ASB2: variants seen among roughly 807,000 people sequenced by gnomAD.
The protein encoded by ASB2 is ankyrin repeat and SOCS box containing 2, also known as ankyrin repeat and SOCS box protein 2.
Under a neutral mutation model 62.4 loss-of-function variants are expected in ASB2, and 58 were observed. The observed-to-expected ratio is 0.93, with a 90% CI of 0.75 to 1.16. The LOEUF (loss-of-function observed/expected upper bound fraction) is 1.16. Among genes scored for constraint, ASB2 ranks in the 50% most tolerant of loss-of-function variants. The pLI is 0.00. For missense variants in ASB2, 928 were observed against 887.9 expected (o/e 1.05, Z -0.57); for synonymous variants, 386 against 385.3 (o/e 1.00, Z -0.02).
rs1595295036 is a variant in ASB2 at position 93,934,310 on chromosome 14, T to C, written c.*346A>G. 1 of 465,256 alleles carries C rather than the reference T, an allele frequency of 2.1e-6. No homozygotes were observed. Among genetic ancestry groups the C allele is most frequent in the East Asian group, 6.3e-5 (1 of 15,954 alleles). The allele number at this position is 465,256 out of a possible 1,614,324, so 28.8% of individuals were successfully genotyped here. A position where few individuals can be genotyped will look rare whatever the true frequency, so the allele number is the denominator to read the frequency against. ...CAAGTGGTGAGTTTTCCAGAACAAG[T>C]GGAGGGGCACAGGGAAGGCTCTGAG... is the stretch of plus-strand genomic sequence containing the variant. On this transcript the variant is annotated 3_prime_UTR_variant, in exon 10 of 10. Coordinates refer to ENST00000555019, the MANE Select transcript of ASB2 (RefSeq NM_001202429.2).
chr14:93,962,676 A>G (rs1030466243), intron 2 of ASB2, among the ~76,000 whole-genome samples: 2 of 152,074 alleles, frequency 1.3e-5, no homozygotes, highest in Non-Finnish European at 2.9e-5. Flanking sequence ...CCGAGGGCCC[A>G]CTTCTTTCTA....
intron 5 of ASB2, among the ~76,000 whole-genome samples, chr14:93,952,402 G>A (rs2141293441): frequency 6.6e-6 from 1 of 152,368 alleles, no homozygotes; most frequent in East Asian, 1.9e-4. Flanking sequence ...TCCATGGTGG[G>A]TCTGCAGCGG....
At chr14:93,973,762 A>G (rs986143563) in intron 1 of ASB2, among the ~76,000 whole-genome samples, 1 of 152,094 alleles carries the variant, frequency 6.6e-6, no homozygotes, top group African/African-American at 2.4e-5. Flanking sequence ...CAGGCCCCTG[A>G]CCCATATTCT....
rs182099691 is a variant in ASB2, at chr14:93,935,707, G to A, written c.1772-915C>T. 3.3e-5 allele frequency among the ~76,000 whole-genome samples: 5 copies of A among 152,318 alleles called. No individual in the cohort carries two copies. The South Asian group carries it at 6.2e-4, about 19-fold the overall frequency. ...GGCAGGTGGGATGTGGAGCAAGGGC[G>A]GAGGGCCAGGCGGCTGCAGCGTTGC... On this transcript the variant is annotated intron_variant, in intron 9 of 9. Coordinates refer to ENST00000555019, the MANE Select transcript of ASB2 (RefSeq NM_001202429.2).
rs962618208 is a variant in ASB2, at chr14:93,964,286, G to T, written c.206+48C>A. 3.4e-6 allele frequency: 5 copies of T among 1,480,730 alleles called. No homozygotes were observed. The African/African-American group carries it at 6.9e-5, about 21-fold the overall frequency. The allele number at this position is 1,480,730 out of a possible 1,614,324, so 91.7% of individuals were successfully genotyped here. On this transcript the variant is annotated intron_variant, in intron 2 of 9. Coordinates refer to ENST00000555019, the MANE Select transcript of ASB2 (RefSeq NM_001202429.2). ...ACAGCATTAGGGATCTACAGTCTGT[G>T]GATGTCCTGGATGGCCCCACTTCCC...
intron 2 of ASB2, among the ~76,000 whole-genome samples, chr14:93,957,698 A>G (rs1035122605): frequency 6.6e-6 from 1 of 152,038 alleles, no homozygotes; most frequent in Admixed American, 6.5e-5. Flanking sequence ...TTTTATCATC[A>G]TTTTGCCTCT....
rs74968585 is a variant in ASB2 at position 93,943,094 on chromosome 14, G to C, written c.1053-3422C>G. On this transcript the variant is annotated intron_variant, in intron 7 of 9. Coordinates refer to ENST00000555019, the MANE Select transcript of ASB2 (RefSeq NM_001202429.2). ...TTTACTCATTTACTCATAACAATCCGGCAAGGTAGGACTGCTTACAACCCC... is the reference window on the plus strand; with the variant it reads ...TTTACTCATTTACTCATAACAATCCCGCAAGGTAGGACTGCTTACAACCCC... Among the ~76,000 whole-genome samples the C allele has an allele frequency of 3.9e-5, 6 of 152,256 alleles. No individual in the cohort carries two copies. The East Asian group carries it at 1.2e-3, about 29-fold the overall frequency.
intron 1 of ASB2, among the ~76,000 whole-genome samples, chr14:93,972,887 C>T (rs1889800583): frequency 6.6e-6 from 1 of 152,228 alleles, no homozygotes; most frequent in African/African-American, 2.4e-5. Context: ...TGCTCAGACC[C>T]ACACCATCAG....
At chr14:93,961,086 A>G (rs1889394790) in intron 2 of ASB2, among the ~76,000 whole-genome samples, 1 of 152,202 alleles carries the variant, frequency 6.6e-6, no homozygotes, top group Non-Finnish European at 1.5e-5. Context: ...TTGTCTGTGA[A>G]GCAGAGGCCA....
intron 7 of ASB2, chr14:93,944,279 T>G (rs900346657): frequency 4.4e-5 from 9 of 202,732 alleles, no homozygotes; most frequent in African/African-American, 9.3e-5. Flanking sequence ...GTGTTGATCT[T>G]TGATTTCATA....
chr14:93,961,898 A>T (rs1289747282), intron 2 of ASB2, among the ~76,000 whole-genome samples: 1 of 152,194 alleles, frequency 6.6e-6, no homozygotes, highest in Non-Finnish European at 1.5e-5. Flanking sequence ...CAGCATCAGC[A>T]GAGCCTGGTG....
chr14:93,967,559 G>A (rs894487474), intron 1 of ASB2, among the ~76,000 whole-genome samples: 7 of 152,316 alleles, frequency 4.6e-5, no homozygotes, highest in African/African-American at 1.7e-4. Context: ...CCCTGCTAAG[G>A]CCAAAGTGCT....
At chr14:93,961,487 A>G (rs1484292945) in intron 2 of ASB2, among the ~76,000 whole-genome samples, 4 of 152,226 alleles carry the variant, frequency 2.6e-5, no homozygotes, top group African/African-American at 7.2e-5. Context: ...AGAAATAAAT[A>G]AGAATTGTAA....
At chr14:93,946,920 G>A (rs944009659) in intron 7 of ASB2, among the ~76,000 whole-genome samples, 3 of 152,182 alleles carry the variant, frequency 2.0e-5, no homozygotes, top group Non-Finnish European at 4.4e-5. Flanking sequence ...TGCCCCCCAG[G>A]ATAGAATTCC....
rs781325725 is a variant in ASB2, at chr14:93,956,452, G to A, written c.311+314C>T. ...TAAGGCCATCTCCCCAATTTCCCTC[G>A]TGCTGGGTCCCCAGTTTCAGAGCCC... On this transcript the variant is annotated intron_variant, in intron 3 of 9. Transcript: ENST00000555019. 1.8e-4 allele frequency among the ~76,000 whole-genome samples: 28 copies of A among 152,120 alleles called. 1 individual carries two copies. The highest frequency in any genetic ancestry group is 4.1e-4 in the South Asian group (2 of 4,826).
At position 93,939,433 on chromosome 14, in the gene ASB2, A is replaced by C. The variant is rs575721659; in HGVS notation, c.1292T>G (p.Leu431Arg). Residue 431 changes from leucine to arginine, a missense_variant, in exon 8 of 10, where the codon CTG (leucine) becomes CGG (arginine). Transcript: ENST00000555019. ...NNNVYATELL[L>R]QHGADPNRDV... is the part of the protein sequence containing the mutation. ...GCGGTTGGGGTCGGCGCCGTGTTGCAGCAGCAGCTCGGTGGCGTACACGTT... is the reference window on the plus strand; with the variant it reads ...GCGGTTGGGGTCGGCGCCGTGTTGCCGCAGCAGCTCGGTGGCGTACACGTT... 7.4e-6 allele frequency: 12 copies of C among 1,612,740 alleles called. No individual in the cohort carries two copies. In the South Asian group the frequency reaches 1.3e-4, roughly 18 times the overall value.
At chr14:93,958,928 G>A (rs1432413238) in intron 2 of ASB2, among the ~76,000 whole-genome samples, 1 of 152,230 alleles carries the variant, frequency 6.6e-6, no homozygotes, top group Non-Finnish European at 1.5e-5. Context: ...TCTAAACGAG[G>A]ACCTGTCTCT....
chr14:93,967,409 A>G (rs1889627875), intron 1 of ASB2, among the ~76,000 whole-genome samples: 2 of 152,176 alleles, frequency 1.3e-5, no homozygotes, highest in Admixed American at 6.5e-5. Flanking sequence ...CTCAGTGCAC[A>G]TGGTGCTGAA....
intron 6 of ASB2, among the ~76,000 whole-genome samples, chr14:93,947,729 C>T (rs1254350275): frequency 2.0e-5 from 3 of 152,080 alleles, no homozygotes; most frequent in African/African-American, 4.8e-5. Flanking sequence ...AGGCGTGGCT[C>T]ATGCCTGTAA....
Sources: allele counts gnomAD v4.1 joint callset (sites outside exome capture counted in the v4.1 genomes callset), GRCh38; gene constraint gnomAD v4.1.1; transcripts MANE v1.5; gene names NCBI Gene and HGNC (gene_info 2026-07-23, HGNC 2026-07-21).